The following HOOK3 variants were observed in gnomAD, a reference collection of about 807,000 sequenced individuals.
The protein encoded by HOOK3 is hook microtubule tethering protein 3.
A neutral mutation model predicts 116.3 loss-of-function variants in HOOK3; 24 were observed. The observed-to-expected ratio is 0.21, with a 90% confidence interval of 0.15 to 0.29. The LOEUF (loss-of-function observed/expected upper bound fraction) is 0.29, where lower values mean the gene tolerates loss of function less well. HOOK3 is among the 10% of genes least tolerant of loss of function. The pLI is 1.00. For missense variants in HOOK3, 632 were observed against 830.2 expected, an observed-to-expected ratio of 0.76 and a Z score of 2.93; for synonymous variants, 275 against 283.0, an observed-to-expected ratio of 0.97 and a Z score of 0.28.
chr8:43,004,928 T>C (rs557469227), intron 17 of HOOK3, among the ~76,000 whole-genome samples: 1 of 151,940 alleles, frequency 6.6e-6, no homozygotes, highest in South Asian at 2.1e-4. Flanking sequence ...CAGGAGGCAT[T>C]TAAAAGAAAG....
intron 15 of HOOK3, 25 bp downstream of exon 15, chr8:42,986,820 C>T (rs1431400642): frequency 1.2e-6 from 2 of 1,608,174 alleles, no homozygotes; most frequent in Non-Finnish European, 1.7e-6. Flanking sequence ...GTGGCCGCAT[C>T]TGGCTATAAG....
intron 3 of HOOK3, 93 bp from the exon 4 acceptor site, chr8:42,930,029 T>TTTATTTA: frequency 1.9e-6 from 2 of 1,046,334 alleles, no homozygotes; most frequent in Non-Finnish European, 2.8e-6. Flanking sequence ...TATGATTAAC[T>TTTATTTA]GCAGTGATTG....
Position 42,906,148 on chromosome 8 carries a change from C to G in HOOK3, c.58-25C>G, listed in dbSNP as rs371480707. The G allele has an allele frequency of 1.1e-4, 109 of 1,016,660 alleles. 16 individuals are homozygous for G. Among genetic ancestry groups the G allele is most frequent in the Non-Finnish European group, 1.5e-4 (102 of 668,972 alleles). 63.0% of individuals were successfully genotyped at this position (1,016,660 alleles called of 1,614,324 possible). A position where few individuals can be genotyped will look rare whatever the true frequency, so the allele number is the denominator to read the frequency against. On this transcript the variant is annotated intron_variant, in intron 1 of 21. Transcript: ENST00000307602. ...ACAGAGGTAACCACAGAATCTCTCC[C>G]CCCCCCCTCTTTTTTTCCCTTCAGA...
chr8:42,968,882 T>C (rs1808678700), intron 11 of HOOK3, among the ~76,000 whole-genome samples: 1 of 152,224 alleles, frequency 6.6e-6, no homozygotes. Flanking sequence ...TCTATACTTT[T>C]GCTACATATA....
rs373940518 is a variant in HOOK3 at position 42,906,152 on chromosome 8, C to T, written c.58-21C>T. 1.4e-5 allele frequency: 15 copies of T among 1,101,822 alleles called. No homozygotes were observed. The East Asian group carries it at 2.1e-4, about 15-fold the overall frequency. The allele number at this position is 1,101,822 out of a possible 1,614,324, so 68.3% of individuals were successfully genotyped here. On this transcript the variant is annotated intron_variant, in intron 1 of 21. Transcript: ENST00000307602. ...AGGTAACCACAGAATCTCTCCCCCC[C>T]CCCTCTTTTTTTCCCTTCAGATCCA...
intron 17 of HOOK3, among the ~76,000 whole-genome samples, chr8:43,005,846 C>T (rs770031100): frequency 4.1e-4 from 62 of 149,886 alleles, no homozygotes; most frequent in Non-Finnish European, 8.0e-4. Flanking sequence ...CAGGCCCCCC[C>T]CCACCACACC....
In HOOK3 at chr8:43,030,166, G is replaced by C. The variant is rs1467511044; in HGVS notation, c.*11668G>C. ...TTTCCAACCATTTACTATGTGTTGA[G>C]ATTGGTGGGTTTTCTGGCTGTTTTT... On this transcript the variant is annotated 3_prime_UTR_variant, in exon 22 of 22. Coordinates refer to ENST00000307602, the MANE Select transcript of HOOK3 (RefSeq NM_032410.4). 1 of 202,966 alleles carries C rather than the reference G, an allele frequency of 4.9e-6. No individual in the cohort carries two copies. The highest frequency in any genetic ancestry group is 1.0e-5 in the Non-Finnish European group (1 of 99,058). The allele number at this position is 202,966 out of a possible 1,614,324, so 12.6% of individuals were successfully genotyped here. A position where few individuals can be genotyped will look rare whatever the true frequency, so the allele number is the denominator to read the frequency against.
chr8:42,974,648 G>A lies in HOOK3; in HGVS notation c.1321+454G>A, dbSNP rs571141917. Among the ~76,000 whole-genome samples the A allele has an allele frequency of 3.3e-5, 5 of 152,350 alleles. No homozygotes were observed. In the East Asian group the frequency reaches 9.6e-4, roughly 29 times the overall value. ...GCCCACGTGCGCTCCTCCTCGCAAAGCCCGGGCTCCAGCGATTGCCTTTTC... is the reference window on the plus strand; with the variant it reads ...GCCCACGTGCGCTCCTCCTCGCAAAACCCGGGCTCCAGCGATTGCCTTTTC... On this transcript the variant is annotated intron_variant, in intron 13 of 21. Coordinates refer to ENST00000307602, the MANE Select transcript of HOOK3 (RefSeq NM_032410.4).
chr8:42,935,651 C>G (rs983232511), intron 4 of HOOK3, among the ~76,000 whole-genome samples: 3 of 152,126 alleles, frequency 2.0e-5, no homozygotes, highest in African/African-American at 7.2e-5. Context: ...ATAGGGAATC[C>G]TTTTCCCATT....
chr8:42,998,308 G>C (rs1185613026), intron 16 of HOOK3, among the ~76,000 whole-genome samples: 1 of 152,150 alleles, frequency 6.6e-6, no homozygotes, highest in Non-Finnish European at 1.5e-5. Context: ...TTAATGAACA[G>C]TAAACAACCG....
intron 2 of HOOK3, among the ~76,000 whole-genome samples, chr8:42,923,091 A>G (rs552554471): frequency 9.0e-4 from 137 of 152,372 alleles, no homozygotes; most frequent in South Asian, 6.2e-3. Context: ...TACAATGGCC[A>G]ATAAGCACAT....
At chr8:42,911,247 T>G (rs1175558569) in intron 2 of HOOK3, among the ~76,000 whole-genome samples, 13 of 151,308 alleles carry the variant, frequency 8.6e-5, no homozygotes, top group African/African-American at 2.4e-5. Context: ...AGGTCAGGAG[T>G]TCAAGACCAG....
In HOOK3 at chr8:42,910,169, C is replaced by T. The variant is rs912644799; in HGVS notation, c.143+3911C>T. On this transcript the variant is annotated intron_variant, in intron 2 of 21. Coordinates refer to ENST00000307602, the MANE Select transcript of HOOK3 (RefSeq NM_032410.4). ...CACATTGTATACGATATCATAACAT[C>T]AGTTTTGTACCCATAAATATAGTTT... 4.6e-5 allele frequency among the ~76,000 whole-genome samples: 7 copies of T among 152,274 alleles called. No individual in the cohort carries two copies. The East Asian group carries it at 9.6e-4, about 21-fold the overall frequency.
intron 6 of HOOK3, among the ~76,000 whole-genome samples, chr8:42,953,799 T>G (rs1468950769): frequency 2.0e-5 from 3 of 152,126 alleles, no homozygotes; most frequent in Non-Finnish European, 2.9e-5. Flanking sequence ...TTCACTACAA[T>G]CCTGTGAGGT....
intron 2 of HOOK3, among the ~76,000 whole-genome samples, chr8:42,917,763 A>C (rs1018016094): frequency 5.3e-5 from 8 of 152,228 alleles, no homozygotes; most frequent in African/African-American, 1.9e-4. Context: ...ACCCTGCTGG[A>C]ATGTCTCATA....
intron 7 of HOOK3, among the ~76,000 whole-genome samples, chr8:42,958,480 G>C (rs1040048159): frequency 6.6e-6 from 1 of 151,522 alleles, no homozygotes; most frequent in Non-Finnish European, 1.5e-5. Context: ...ATTTTTTAAC[G>C]GTGCTGTACA....
intron 5 of HOOK3, among the ~76,000 whole-genome samples, chr8:42,943,825 C>G (rs949480336): frequency 1.3e-5 from 2 of 152,136 alleles, no homozygotes; most frequent in South Asian, 2.1e-4. Context: ...GTAACAGATG[C>G]CTTCAGCTTC....
At chr8:42,997,717 T>C (rs1809306372) in intron 16 of HOOK3, 80 bp downstream of exon 16, 1 of 822,292 alleles carries the variant, frequency 1.2e-6, no homozygotes, top group Non-Finnish European at 2.1e-6. Flanking sequence ...TTTGATGTTT[T>C]TTGTCAAAAT....
chr8:42,919,063 G>C (rs997088682), intron 2 of HOOK3, among the ~76,000 whole-genome samples: 18 of 149,450 alleles, frequency 1.2e-4, no homozygotes, highest in Non-Finnish European at 2.4e-4. Flanking sequence ...CCACCTCCCG[G>C]ACGGGGCGGC....
Sources: gnomAD v4.1 joint callset for allele counts (sites outside exome capture counted in the v4.1 genomes callset) on GRCh38, gnomAD v4.1.1 for gene constraint, MANE v1.5 for transcripts, NCBI Gene and HGNC (gene_info 2026-07-23, HGNC 2026-07-21) for gene names.